VSTM5: variants seen among roughly 807,000 people sequenced by gnomAD.
The protein encoded by VSTM5 is V-set and transmembrane domain containing 5.
A neutral mutation model predicts 20.3 loss-of-function variants in VSTM5; 21 were observed. That is an observed-to-expected ratio of 1.03 (90% CI 0.73 to 1.49). The LOEUF (loss-of-function observed/expected upper bound fraction) is 1.49. Among genes scored for constraint, VSTM5 ranks in the 40% most tolerant of loss-of-function variants. The probability of loss-of-function intolerance (pLI) is 0.00; values close to 1 mark genes in which losing one functional copy is unlikely to be tolerated. For synonymous variants in VSTM5, 100 were observed against 102.5 expected (o/e 0.98, Z 0.14); for missense variants, 219 against 250.0 (o/e 0.88, Z 0.84).
intron 1 of VSTM5, among the ~76,000 whole-genome samples, chr11:93,846,782 T>TTTTTTTTG (rs1565305366): frequency 6.8e-6 from 1 of 147,020 alleles, no homozygotes; most frequent in African/African-American, 2.5e-5. Context: ...TTTTTTTTTT[T>TTTTTTTTG]TTTGAGATGG....
In VSTM5 at chr11:93,821,108, CG is replaced by C; in HGVS notation, c.306del (p.Asn102LysfsTer11). The C allele has an allele frequency of 6.4e-7, 1 of 1,551,928 alleles. No individual in the cohort carries two copies. Among genetic ancestry groups the C allele is most frequent in the South Asian group, 1.2e-5 (1 of 84,058 alleles). On this transcript the variant is annotated frameshift_variant, in exon 2 of 4. Transcript: ENST00000409977. LOFTEE classifies it high-confidence loss of function. ...CCCACGCTGAAGAGCTGGATGGAGC[CG>C]TTGTCAAAGGTGCAGACTCTGTCCT... ...SHKDRVCTFD[N>X]GSIQLFSVGV...
chr11:93,820,610 T>C lies in VSTM5; in HGVS notation c.562A>G (p.Ser188Gly), dbSNP rs2135728386. 6.4e-7 allele frequency: 1 copy of C among 1,551,872 alleles called. No individual in the cohort carries two copies. Among genetic ancestry groups the C allele is most frequent in the East Asian group, 2.4e-5 (1 of 40,928 alleles). Residue 188 changes from serine to glycine, a missense_variant and splice_region_variant, in exon 4 of 4, where the codon AGC becomes GGC. Ser to Gly is a moderately conservative substitution (Grantham distance 56). Coordinates refer to ENST00000409977, the MANE Select transcript of VSTM5 (RefSeq NM_001144871.2). ...TCCAGCTCAATCTCCTCAGTTGTGC[T>C]TTCTGTAAAGCAAAGACAAGTCAAT... ...QRKRRHKLKE[S>G]TTEEIELEDV...
chr11:93,824,016 T>A (rs947068430), intron 1 of VSTM5, among the ~76,000 whole-genome samples: 2 of 152,040 alleles, frequency 1.3e-5, no homozygotes, highest in African/African-American at 4.8e-5. Context: ...CAAGTGATTC[T>A]CCTGTCTCAG....
At chr11:93,848,939 C>T (rs1944435439) in intron 1 of VSTM5, among the ~76,000 whole-genome samples, 1 of 152,194 alleles carries the variant, frequency 6.6e-6, no homozygotes, top group Admixed American at 6.5e-5. Context: ...ATGACAAACA[C>T]ACCCATCCAC....
At chr11:93,820,711 C>G in intron 3 of VSTM5, 32 bp downstream of exon 3, 1 of 1,551,652 alleles carries the variant, frequency 6.4e-7, no homozygotes, top group Non-Finnish European at 8.7e-7. Context: ...CTCAAAACCA[C>G]TCATGGATTA....
intron 1 of VSTM5, among the ~76,000 whole-genome samples, chr11:93,823,577 T>C (rs1237285309): frequency 6.6e-6 from 1 of 152,212 alleles, no homozygotes; most frequent in African/African-American, 2.4e-5. Context: ...AGTTCTACTC[T>C]ATTTCTATGA....
intron 1 of VSTM5, among the ~76,000 whole-genome samples, chr11:93,838,209 C>T (rs1188997778): frequency 1.3e-5 from 2 of 152,182 alleles, no homozygotes; most frequent in Non-Finnish European, 2.9e-5. Context: ...TGGTGGCTCA[C>T]GCCTGTAATC....
rs1001863985 is a variant in VSTM5, at chr11:93,820,977, G to A, written c.418+20C>T. On this transcript the variant is annotated intron_variant, in intron 2 of 3. Transcript: ENST00000409977. ...ACATTCACAGTTCAGAGGGGTGCCC[G>A]GGGCCCTGGGATGTCTTACCAGAGA... is the stretch of plus-strand genomic sequence containing the variant. The A allele has an allele frequency of 3.3e-5, 51 of 1,550,658 alleles. No homozygotes were observed. Among genetic ancestry groups the A allele is most frequent in the East Asian group, 2.0e-4 (8 of 40,916 alleles).
In VSTM5 at chr11:93,821,044, T is replaced by C; in HGVS notation, c.371A>G (p.Glu124Gly). ...GCCAAACTGGCTGCTCCCCAGGCGC[T>C]CCGTCACGGTGATGACATAGTAGCC... ...DSGYYVITVTERLGSSQFGTI... is the reference protein window; with the variant it reads ...DSGYYVITVTGRLGSSQFGTI... Residue 124 changes from glutamate to glycine, a missense_variant, in exon 2 of 4, where the codon GAG becomes GGG. Coordinates refer to ENST00000409977, the MANE Select transcript of VSTM5 (RefSeq NM_001144871.2). The C allele has an allele frequency of 6.4e-7, 1 of 1,551,684 alleles. No individual in the cohort carries two copies. Among genetic ancestry groups the C allele is most frequent in the Non-Finnish European group, 8.7e-7 (1 of 1,147,000 alleles).
intron 1 of VSTM5, among the ~76,000 whole-genome samples, chr11:93,847,856 A>G (rs1203880802): frequency 6.6e-6 from 1 of 152,208 alleles, no homozygotes; most frequent in Non-Finnish European, 1.5e-5. Flanking sequence ...AGAGGCTGGG[A>G]AGCTCAAGAT....
chr11:93,848,520 G>T lies in VSTM5; in HGVS notation c.91+1892C>A, dbSNP rs531955959. ...GTCTGGTACACCCTGCATTCCCTTTGTCCTGTCCCCCGAGCTGCTCCTACC... is the reference window on the plus strand; with the variant it reads ...GTCTGGTACACCCTGCATTCCCTTTTTCCTGTCCCCCGAGCTGCTCCTACC... On this transcript the variant is annotated intron_variant, in intron 1 of 3. Transcript: ENST00000409977. Among the ~76,000 whole-genome samples, 108 of 152,308 alleles carry T rather than the reference G, an allele frequency of 7.1e-4. 2 individuals are homozygous for T. The South Asian group carries it at 0.021, about 30-fold the overall frequency.
rs1425946182 is a variant in VSTM5 at position 93,821,256 on chromosome 11, G to A, written c.159C>T (p.Leu53=). Residue 53 remains leucine, a synonymous_variant, in exon 2 of 4, where the codon CTC becomes CTT. Transcript: ENST00000409977. Reference sequence around the variant, plus strand: ...CTCCATGACAGGAGTACTCAACTGAGAGCAGGATGTCTTCTTTGACAGTGG... The same window carrying A: ...CTCCATGACAGGAGTACTCAACTGAAAGCAGGATGTCTTCTTTGACAGTGG... ...INATVKEDIL[L]SVEYSCHGVP... is the part of the protein sequence containing the mutation. 1.9e-6 allele frequency: 3 copies of A among 1,551,890 alleles called. No individual in the cohort carries two copies. Among genetic ancestry groups the A allele is most frequent in the East Asian group, 4.9e-5 (2 of 40,922 alleles).
At chr11:93,825,573 C>T (rs905505887) in intron 1 of VSTM5, among the ~76,000 whole-genome samples, 5 of 152,188 alleles carry the variant, frequency 3.3e-5, no homozygotes, top group African/African-American at 1.2e-4. Flanking sequence ...GATATTAATT[C>T]TTCCCATCCA....
chr11:93,828,442 A>G (rs1052053654), intron 1 of VSTM5, among the ~76,000 whole-genome samples: 3 of 152,234 alleles, frequency 2.0e-5, no homozygotes, highest in African/African-American at 7.2e-5. Flanking sequence ...CTTTTCTTAC[A>G]AATAAATTAC....
Position 93,850,495 on chromosome 11 carries a change from G to C in VSTM5, c.8C>G (p.Pro3Arg), listed in dbSNP as rs1469385501. The change falls in exon 1 of 4, where the codon CCT becomes CGT. Residue 3 changes from proline (P) to arginine (R), a missense_variant. By Grantham distance (103) the Pro-to-Arg change is moderately radical. Transcript: ENST00000409977. ...GGTCTTCCTCCTCCCGCTGGGCAGA[G>C]GCCTCATGGGCGAGCCCGGGGCCTC... MR[P>R]LPSGRRKTRG... The C allele has an allele frequency of 4.5e-6, 7 of 1,549,422 alleles. No individual in the cohort carries two copies. In the East Asian group the frequency reaches 1.7e-4, roughly 38 times the overall value.
intron 1 of VSTM5, among the ~76,000 whole-genome samples, chr11:93,837,011 GCACACACACACACA>G (rs59949447): frequency 1.4e-5 from 2 of 140,742 alleles, no homozygotes; most frequent in African/African-American, 2.7e-5. Flanking sequence ...AAAAAAAAAT[GCACACACACACACA>G]CACACACACA....
intron 1 of VSTM5, among the ~76,000 whole-genome samples, chr11:93,833,626 G>A (rs1235021821): frequency 6.6e-6 from 1 of 152,114 alleles, no homozygotes; most frequent in Non-Finnish European, 1.5e-5. Context: ...ATTTCTACTG[G>A]AAAATGTTGG....
chr11:93,822,648 T>C (rs921066217), intron 1 of VSTM5, among the ~76,000 whole-genome samples: 3 of 151,508 alleles, frequency 2.0e-5, no homozygotes, highest in Non-Finnish European at 4.4e-5. Flanking sequence ...CCAGGCTAAA[T>C]TTTTTTTGCA....
At chr11:93,834,535 AG>A (rs1486884374) in intron 1 of VSTM5, among the ~76,000 whole-genome samples, 1 of 152,046 alleles carries the variant, frequency 6.6e-6, no homozygotes, top group Non-Finnish European at 1.5e-5. Flanking sequence ...CCAGTACTTC[AG>A]GAGGTTGGGG....
Sources: allele counts gnomAD v4.1 joint callset (sites outside exome capture counted in the v4.1 genomes callset), GRCh38; gene constraint gnomAD v4.1.1; transcripts MANE v1.5; gene names NCBI Gene and HGNC (gene_info 2026-07-23, HGNC 2026-07-21).